LIPH: variants seen among roughly 807,000 people sequenced by gnomAD.
LIPH encodes the protein lipase H.
In LIPH, 32 loss-of-function variants were observed where a neutral mutation model predicts 47.6. That is an observed-to-expected ratio of 0.67 (90% confidence interval 0.51 to 0.90). The LOEUF (loss-of-function observed/expected upper bound fraction) is 0.90. Among genes scored for constraint, LIPH ranks in the 40% least tolerant of loss-of-function variants. The probability of loss-of-function intolerance (pLI) is 0.00; values close to 1 mark genes in which losing one functional copy is unlikely to be tolerated. For missense variants in LIPH, 497 were observed against 541.4 expected, an observed-to-expected ratio of 0.92 and a Z score of 0.81; for synonymous variants, 190 against 195.6, an observed-to-expected ratio of 0.97 and a Z score of 0.24.
At chr3:185,547,373 G>A (rs1015195640) in intron 1 of LIPH, among the ~76,000 whole-genome samples, 4 of 152,082 alleles carry the variant, frequency 2.6e-5, no homozygotes, top group African/African-American at 9.7e-5. Flanking sequence ...GACTCATACT[G>A]CTTTTTTATC....
At chr3:185,535,860 CCCAAGGTGCTGGGATTACAGGCATGAG>C (rs1720489072) in intron 1 of LIPH, among the ~76,000 whole-genome samples, 1 of 152,172 alleles carries the variant, frequency 6.6e-6, no homozygotes. Context: ...ACCTCGGCCT[CCCAAGGTGCTGGGATTACAGGCATGAG>C]CCACCGTGCC....
intron 3 of LIPH, among the ~76,000 whole-genome samples, chr3:185,529,466 G>A (rs1720241444): frequency 6.8e-6 from 1 of 147,788 alleles, no homozygotes; most frequent in Admixed American, 6.7e-5. Flanking sequence ...GCCGGTTGTA[G>A]GGGCACTTGC....
chr3:185,528,181 T>C (rs1720171404), intron 3 of LIPH, among the ~76,000 whole-genome samples: 1 of 147,838 alleles, frequency 6.8e-6, no homozygotes, highest in Non-Finnish European at 1.5e-5. Context: ...CCAAGATCAT[T>C]CCAGCCTGGC....
rs760141096 is a variant in LIPH, at chr3:185,524,115, T to A, written c.674A>T (p.Asn225Ile). 6.2e-7 allele frequency: 1 copy of A among 1,613,784 alleles called. No homozygotes were observed. The highest frequency in any genetic ancestry group is 1.1e-5 in the South Asian group (1 of 91,084). Reference sequence around the variant, plus strand: ...GCAGCCAGGTTGATCCAATCCTCCATTTGGGTAGAAGTCTATGTTTCCTAA... The same window carrying A: ...GCAGCCAGGTTGATCCAATCCTCCAATTGGGTAGAAGTCTATGTTTCCTAA... ...EPLGNIDFYP[N>I]GGLDQPGCPK... Residue 225 changes from asparagine to isoleucine, a missense_variant, in exon 5 of 10, where the codon AAT becomes ATT. Asn to Ile is a moderately radical substitution (Grantham distance 149). Coordinates refer to ENST00000296252, the MANE Select transcript of LIPH (RefSeq NM_139248.3).
At chr3:185,536,468 T>C (rs2148960462) in intron 1 of LIPH, among the ~76,000 whole-genome samples, 1 of 152,312 alleles carries the variant, frequency 6.6e-6, no homozygotes, top group Non-Finnish European at 1.5e-5. Flanking sequence ...TCTGGGTCCC[T>C]GTTCTCAATG....
intron 1 of LIPH, among the ~76,000 whole-genome samples, 173 bp downstream of exon 1, chr3:185,552,250 T>C (rs1303407888): frequency 6.6e-6 from 1 of 151,888 alleles, no homozygotes; most frequent in Admixed American, 6.6e-5. Flanking sequence ...TCTTTTTTTT[T>C]TTTTTTTAAG....
chr3:185,524,216 C>T, intron 4 of LIPH, 56 bp from the exon 5 acceptor site: 2 of 956,352 alleles, frequency 2.1e-6, no homozygotes, highest in African/African-American at 1.6e-5. Flanking sequence ...TATCTCACAG[C>T]TCATTTGCCT....
At position 185,507,081 on chromosome 3, in the gene LIPH, A is replaced by C. The variant is rs1719398853; in HGVS notation, c.*1709T>G. On this transcript the variant is annotated 3_prime_UTR_variant, in exon 10 of 10. Coordinates refer to ENST00000296252, the MANE Select transcript of LIPH (RefSeq NM_139248.3). ...ATTTCTTTAATTTATGACATAGAGA[A>C]TCCATTTTTGGCCGGGTGTGGTGGC... The C allele has an allele frequency of 6.6e-6, 1 of 152,194 alleles. No homozygotes were observed. The highest frequency in any genetic ancestry group is 2.4e-5 in the African/African-American group (1 of 41,444). 9.4% of individuals were successfully genotyped at this position (152,194 alleles called of 1,614,324 possible).
intron 1 of LIPH, among the ~76,000 whole-genome samples, chr3:185,538,569 G>T (rs1641524883): frequency 1.1e-5 from 1 of 89,674 alleles, no homozygotes; most frequent in African/African-American, 3.8e-5. Flanking sequence ...AATACAGTTG[G>T]GCAAATTCAA....
At chr3:185,550,404 G>T (rs1367069443) in intron 1 of LIPH, among the ~76,000 whole-genome samples, 1 of 152,122 alleles carries the variant, frequency 6.6e-6, no homozygotes, top group Admixed American at 6.5e-5. Context: ...TTACTTCTGA[G>T]AAGATGCTAA....
chr3:185,515,465 G>T (rs957451960), intron 7 of LIPH, among the ~76,000 whole-genome samples: 2 of 151,958 alleles, frequency 1.3e-5, no homozygotes, highest in Non-Finnish European at 2.9e-5. Flanking sequence ...CCAAATCCTG[G>T]GCTGCCACAC....
rs370205963 is a variant in LIPH, at chr3:185,517,134, A to G, written c.915T>C (p.His305=). ...TCATTGGAGGATCTTTCCCCCTTAGATGGTCTTTCCAATTATCAGCATAAT... is the reference window on the plus strand; with the variant it reads ...TCATTGGAGGATCTTTCCCCCTTAGGTGGTCTTTCCAATTATCAGCATAAT... ...LGYYADNWKD[H]LRGKDPPMTK... is the part of the protein sequence containing the mutation. The change falls in exon 7 of 10, where the codon CAT becomes CAC. Residue 305 remains histidine (H), a synonymous_variant. Transcript: ENST00000296252. The G allele has an allele frequency of 2.5e-6, 4 of 1,610,154 alleles. No individual in the cohort carries two copies. Among genetic ancestry groups the G allele is most frequent in the African/African-American group, 2.7e-5 (2 of 74,972 alleles).
At position 185,519,171 on chromosome 3, in the gene LIPH, G is replaced by A. The variant is rs140565721; in HGVS notation, c.857C>T (p.Thr286Met). 1.5e-3 allele frequency: 2,395 copies of A among 1,613,998 alleles called. 5 individuals are homozygous for A. The highest frequency in any genetic ancestry group is 1.9e-3 in the Non-Finnish European group (2,288 of 1,179,876). Residue 286 changes from threonine (T) to methionine (M), a missense_variant, in exon 6 of 10, where the codon ACG becomes ATG. By Grantham distance (81) the Thr-to-Met change is moderately conservative. Coordinates refer to ENST00000296252, the MANE Select transcript of LIPH (RefSeq NM_139248.3). The part of the protein sequence containing the change: ...YRNGKCVSCG[T>M]SQKESCPLLG... ...AAGGGGACAGGACTCTTTTTGTGAC[G>A]TGCCGCAGCTGACACACTTGCCATT...
intron 1 of LIPH, among the ~76,000 whole-genome samples, chr3:185,549,334 A>G (rs1720983751): frequency 6.6e-6 from 1 of 152,150 alleles, no homozygotes. Context: ...AAATATGCAC[A>G]TTCACACCCC....
chr3:185,517,210 A>G lies in LIPH; in HGVS notation c.887-48T>C, dbSNP rs1048199570. On this transcript the variant is annotated intron_variant, in intron 6 of 9. Transcript: ENST00000296252. ...TGTAAGATTAATATGTATTATACAA[A>G]CATAAAAGCAACTGAGGTAGCAAGA... The G allele has an allele frequency of 1.7e-5, 17 of 1,017,678 alleles. No homozygotes were observed. In the African/African-American group the frequency reaches 2.2e-4, roughly 13 times the overall value. 63.0% of individuals were successfully genotyped at this position (1,017,678 alleles called of 1,614,324 possible). A position where few individuals can be genotyped will look rare whatever the true frequency, so the allele number is the denominator to read the frequency against.
intron 1 of LIPH, among the ~76,000 whole-genome samples, chr3:185,551,057 C>T (rs539910977): frequency 4.6e-5 from 7 of 152,150 alleles, no homozygotes; most frequent in African/African-American, 1.4e-4. Flanking sequence ...TCCTGTAGTC[C>T]CAGCTATTTG....
At chr3:185,527,669 C>T (rs1373349140) in intron 3 of LIPH, 84 bp from the exon 4 acceptor site, 4 of 895,704 alleles carry the variant, frequency 4.5e-6, no homozygotes, top group Non-Finnish European at 7.4e-6. Context: ...ATGAGGGTGG[C>T]TCCCAGGCTG....
chr3:185,528,323 G>GAAGAAAGAGA (rs1553822830), intron 3 of LIPH, among the ~76,000 whole-genome samples: 1 of 125,514 alleles, frequency 8.0e-6, no homozygotes, highest in Non-Finnish European at 1.6e-5. Context: ...AAGAAAGAAA[G>GAAGAAAGAGA]AAGAAAGAAA....
intron 1 of LIPH, chr3:185,547,073 G>A (rs181363658): frequency 9.5e-4 from 313 of 329,438 alleles, no homozygotes; most frequent in Non-Finnish European, 1.5e-3. Context: ...CCCGGGAGGC[G>A]GAGGTTGCAG....
Sources: gnomAD v4.1 joint callset for allele counts (sites outside exome capture counted in the v4.1 genomes callset) on GRCh38, gnomAD v4.1.1 for gene constraint, MANE v1.5 for transcripts, NCBI Gene and HGNC (gene_info 2026-07-23, HGNC 2026-07-21) for gene names.